SRFBP1: variants seen among roughly 807,000 people sequenced by gnomAD.
SRFBP1 encodes the protein serum response factor binding protein 1.
SRFBP1 carries 47 observed loss-of-function variants against 45.5 expected under a neutral mutation model. That is an observed-to-expected ratio of 1.03 (90% CI 0.82 to 1.32). The LOEUF (loss-of-function observed/expected upper bound fraction) is 1.32. Among genes scored for constraint, SRFBP1 ranks in the 40% most tolerant of loss-of-function variants. The pLI is 0.00. For synonymous variants in SRFBP1, 203 were observed against 166.3 expected, an observed-to-expected ratio of 1.22 and a Z score of -1.70; for missense variants, 621 against 484.6, an observed-to-expected ratio of 1.28 and a Z score of -2.64.
In SRFBP1 at chr5:122,020,443, C is replaced by T. The variant is rs1312226622; in HGVS notation, c.708C>T (p.Asn236=). ...KLKTLSQTKK[N]KGSDSSLSGN... ...AAACTCTAAGTCAAACCAAAAAAAACAAAGGATCTGATAGCTCACTCTCTG... is the reference window on the plus strand; with the variant it reads ...AAACTCTAAGTCAAACCAAAAAAAATAAAGGATCTGATAGCTCACTCTCTG... Residue 236 remains asparagine (N), a synonymous_variant, in exon 6 of 8, where the codon AAC becomes AAT. Transcript: ENST00000339397. 2 of 1,613,930 alleles carry T rather than the reference C, an allele frequency of 1.2e-6. No homozygotes were observed. Among genetic ancestry groups the T allele is most frequent in the South Asian group, 2.2e-5 (2 of 91,062 alleles).
downstream of SRFBP1, chr5:122,078,244 A>G: frequency 2.5e-6 from 1 of 403,116 alleles, no homozygotes; most frequent in Middle Eastern, 6.2e-4. Flanking sequence ...GCAGTCCCGG[A>G]GAGCGGGCAG....
In SRFBP1 at chr5:122,020,644, A is replaced by G. The variant is rs1015584751; in HGVS notation, c.909A>G (p.Ser303=). ...TRKKESSCHS[S]VKEQKPLEKV... ...AGAAGGAAAGTAGTTGTCATTCTTCAGTTAAGGAACAAAAACCACTAGAAA... is the reference window on the plus strand; with the variant it reads ...AGAAGGAAAGTAGTTGTCATTCTTCGGTTAAGGAACAAAAACCACTAGAAA... The change falls in exon 6 of 8, where the codon TCA becomes TCG. Residue 303 remains serine (S), a synonymous_variant. Transcript: ENST00000339397. The G allele has an allele frequency of 5.6e-6, 9 of 1,613,960 alleles. No homozygotes were observed. The East Asian group carries it at 8.9e-5, about 16-fold the overall frequency.
chr5:121,989,894 G>A (rs1011060861), intron 3 of SRFBP1, among the ~76,000 whole-genome samples: 1 of 151,908 alleles, frequency 6.6e-6, no homozygotes, highest in African/African-American at 2.4e-5. Context: ...CCCAGTATTT[G>A]TTCTCTTTCA....
At chr5:122,004,161 T>A (rs919081261) in intron 4 of SRFBP1, among the ~76,000 whole-genome samples, 2 of 152,192 alleles carry the variant, frequency 1.3e-5, no homozygotes, top group Non-Finnish European at 2.9e-5. Context: ...AATTTGCTAG[T>A]GAGTTTCTTG....
chr5:122,007,224 A>G (rs961220255), intron 4 of SRFBP1, among the ~76,000 whole-genome samples: 6 of 152,018 alleles, frequency 3.9e-5, no homozygotes, highest in Middle Eastern at 3.4e-3. Flanking sequence ...GACTGGATCA[A>G]TAAAGGCTGG....
intron 4 of SRFBP1, among the ~76,000 whole-genome samples, chr5:122,011,297 G>A (rs527569694): frequency 1.6e-4 from 24 of 152,146 alleles, no homozygotes; most frequent in African/African-American, 5.8e-4. Flanking sequence ...AAAAGGTAAG[G>A]TGTTTTCCCT....
At chr5:122,032,325 A>C (rs1331841988), downstream of SRFBP1, among the ~76,000 whole-genome samples, 2 of 151,784 alleles carry the variant, frequency 1.3e-5, no homozygotes, top group African/African-American at 4.8e-5. Flanking sequence ...TCAGAGCTAC[A>C]CAAAATACTA....
intron 7 of SRFBP1, 76 bp downstream of exon 7, chr5:122,022,483 T>C (rs1448048167): frequency 1.5e-6 from 2 of 1,292,154 alleles, no homozygotes; most frequent in Non-Finnish European, 2.2e-6. Flanking sequence ...GAGAAATTGT[T>C]GTTGCTTAAT....
At chr5:122,004,137 C>T (rs970002057) in intron 4 of SRFBP1, among the ~76,000 whole-genome samples, 2 of 152,108 alleles carry the variant, frequency 1.3e-5, no homozygotes, top group African/African-American at 4.8e-5. Context: ...AGTCATGCGC[C>T]ACCATGCCCG....
At chr5:122,068,379 CAGTA>C (rs747114875) in intron 2 of SRFBP1, among the ~76,000 whole-genome samples, 3 of 152,062 alleles carry the variant, frequency 2.0e-5, no homozygotes, top group Non-Finnish European at 4.4e-5. Flanking sequence ...AGTGGGAAGT[CAGTA>C]AGACATAGTT....
chr5:121,973,323 A>G (rs77386431), intron 1 of SRFBP1, among the ~76,000 whole-genome samples: 2 of 151,922 alleles, frequency 1.3e-5, no homozygotes, highest in Middle Eastern at 3.4e-3. Context: ...CATTGAAGGT[A>G]TCACTGGAAT....
At chr5:122,018,882 T>C (rs1753239539) in intron 4 of SRFBP1, among the ~76,000 whole-genome samples, 1 of 152,162 alleles carries the variant, frequency 6.6e-6, no homozygotes, top group African/African-American at 2.4e-5. Flanking sequence ...AGCACTAATA[T>C]GTTATTTGAT....
downstream of SRFBP1, among the ~76,000 whole-genome samples, chr5:122,029,666 G>C (rs1193277179): frequency 6.6e-6 from 1 of 152,114 alleles, no homozygotes; most frequent in Non-Finnish European, 1.5e-5. Flanking sequence ...GGAAACTTCA[G>C]GCAGTGAGCT....
At chr5:122,072,204 C>T (rs1385999753) in intron 2 of SRFBP1, among the ~76,000 whole-genome samples, 2 of 152,048 alleles carry the variant, frequency 1.3e-5, no homozygotes, top group African/African-American at 4.8e-5. Flanking sequence ...TTCAAATAGA[C>T]AAAAGAGCCT....
At chr5:122,055,708 A>G (rs1411006427) in intron 2 of SRFBP1, among the ~76,000 whole-genome samples, 1 of 152,208 alleles carries the variant, frequency 6.6e-6, no homozygotes, top group Non-Finnish European at 1.5e-5. Flanking sequence ...CTCAACATGA[A>G]AATGGATGTC....
At chr5:122,070,264 GAT>G (rs1754411899) in intron 2 of SRFBP1, 1 of 762,450 alleles carries the variant, frequency 1.3e-6, no homozygotes, top group South Asian at 1.6e-5. Flanking sequence ...GCAGGGAAGG[GAT>G]TTTAACTTAA....
At chr5:122,001,786 C>T (rs1477853564) in intron 4 of SRFBP1, among the ~76,000 whole-genome samples, 2 of 152,078 alleles carry the variant, frequency 1.3e-5, no homozygotes, top group African/African-American at 4.8e-5. Context: ...TGGTCTCGAT[C>T]TCCTGACCTC....
At chr5:122,011,262 T>A (rs1753087933) in intron 4 of SRFBP1, among the ~76,000 whole-genome samples, 1 of 152,146 alleles carries the variant, frequency 6.6e-6, no homozygotes, top group Non-Finnish European at 1.5e-5. Context: ...TAAATACCCA[T>A]ATACCCAAAT....
chr5:121,990,595 T>C (rs1171981385), intron 3 of SRFBP1, among the ~76,000 whole-genome samples: 2 of 152,078 alleles, frequency 1.3e-5, no homozygotes, highest in East Asian at 3.9e-4. Flanking sequence ...AAAAAGGAAA[T>C]AGACATTTAA....
Sources: gnomAD v4.1 joint callset for allele counts (sites outside exome capture counted in the v4.1 genomes callset) on GRCh38, gnomAD v4.1.1 for gene constraint, MANE v1.5 for transcripts, NCBI Gene and HGNC (gene_info 2026-07-23, HGNC 2026-07-21) for gene names.